Variants in DYNLRB1 observed in about 807,000 individuals in gnomAD.
DYNLRB1 encodes the protein dynein light chain roadblock-type 1.
Under a neutral mutation model 13.5 loss-of-function variants are expected in DYNLRB1, and 6 were observed. The ratio of observed to expected loss-of-function variants is 0.44; its 90% CI spans 0.24 to 0.88. The LOEUF is 0.88. Among genes scored for constraint, DYNLRB1 ranks in the 40% least tolerant of loss-of-function variants. The pLI is 0.21. For synonymous variants in DYNLRB1, 43 were observed against 45.0 expected, an observed-to-expected ratio of 0.96 and a Z score of 0.18; for missense variants, 93 against 127.2, an observed-to-expected ratio of 0.73 and a Z score of 1.29.
chr20:34,516,287 C>A, upstream of DYNLRB1: 1 of 1,088,578 alleles, frequency 9.2e-7, no homozygotes, highest in Non-Finnish European at 1.3e-6. Flanking sequence ...CAGTGGAAAG[C>A]AGATTTTCCA....
intron 2 of DYNLRB1, chr20:34,529,961 C>A: frequency 7.2e-7 from 1 of 1,391,698 alleles, no homozygotes; most frequent in Non-Finnish European, 9.4e-7. Context: ...CTTCAGCCCT[C>A]AACTGCCTCG....
At position 34,534,685 on chromosome 20, in the gene DYNLRB1, T is replaced by C; in HGVS notation, c.137T>C (p.Met46Thr). 1 of 1,604,414 alleles carries C rather than the reference T, an allele frequency of 6.2e-7. No individual in the cohort carries two copies. The highest frequency in any genetic ancestry group is 8.5e-7 in the Non-Finnish European group (1 of 1,174,682). ...ACCACCACCCAGTATGCCAGCCTCATGCACAGCTTCATCCTGAAGGCACGG... is the reference window on the plus strand; with the variant it reads ...ACCACCACCCAGTATGCCAGCCTCACGCACAGCTTCATCCTGAAGGCACGG... The part of the protein sequence containing the change: ...NPTTTQYASL[M>T]HSFILKARST... The change falls in exon 3 of 4, where the codon ATG becomes ACG. Residue 46 changes from methionine to threonine, a missense_variant. Coordinates refer to ENST00000357156, the MANE Select transcript of DYNLRB1 (RefSeq NM_014183.4).
intron 1 of DYNLRB1, 140 bp from the exon 2 acceptor site, chr20:34,526,128 G>C: frequency 1.2e-6 from 1 of 846,950 alleles, no homozygotes. Flanking sequence ...GATCAGCCTG[G>C]GGAACTTTGA....
chr20:34,536,300 G>C (rs1981135777), intron 3 of DYNLRB1: 1 of 985,404 alleles, frequency 1.0e-6, no homozygotes, highest in South Asian at 4.7e-5. Flanking sequence ...GTGTCGAGTA[G>C]GGGACTGTGC....
chr20:34,516,680 A>G (rs1440903325), intron 1 of DYNLRB1: 1 of 1,487,344 alleles, frequency 6.7e-7, no homozygotes, highest in Admixed American at 2.1e-5. Context: ...CTGCCCCTTG[A>G]CCGGAAGCGG....
rs573817603 is a variant in DYNLRB1 at position 34,539,776 on chromosome 20, C to T, written c.248-805C>T. ...CCCACCTTGGCCTCCCAAAGTGCTA[C>T]GTGAGCCACCACGCCTGACCTTCTA... On this transcript the variant is annotated intron_variant, in intron 3 of 3. Transcript: ENST00000357156. 4.6e-5 allele frequency among the ~76,000 whole-genome samples: 7 copies of T among 152,182 alleles called. No individual in the cohort carries two copies. The South Asian group carries it at 1.0e-3, about 23-fold the overall frequency.
chr20:34,519,363 G>GT (rs1292287709), intron 1 of DYNLRB1, among the ~76,000 whole-genome samples: 2 of 152,136 alleles, frequency 1.3e-5, no homozygotes, highest in African/African-American at 2.4e-5. Context: ...TGTATAAGCT[G>GT]TTTATTAGAT....
At position 34,540,713 on chromosome 20, in the gene DYNLRB1, A is replaced by G. The variant is rs1981513611; in HGVS notation, c.*89A>G. ...TCATGTCAGTGGACTAGCACATGGC[A>G]GTCGCTTGGAACCCACTCACACCAA... On this transcript the variant is annotated 3_prime_UTR_variant, in exon 4 of 4. Transcript: ENST00000357156. The G allele has an allele frequency of 7.2e-7, 1 of 1,397,322 alleles. No individual in the cohort carries two copies. The highest frequency in any genetic ancestry group is 1.4e-5 in the African/African-American group (1 of 70,074). The allele number at this position is 1,397,322 out of a possible 1,614,324, so 86.6% of individuals were successfully genotyped here.
At chr20:34,516,733 G>T in intron 1 of DYNLRB1, 1 of 1,543,830 alleles carries the variant, frequency 6.5e-7, no homozygotes, top group Non-Finnish European at 8.7e-7. Context: ...CGAGGGGTGG[G>T]CGGCGGCCCT....
rs1981508466 is a variant in DYNLRB1, at chr20:34,540,655, T to C, written c.*31T>C. The C allele has an allele frequency of 6.2e-7, 1 of 1,606,952 alleles. No homozygotes were observed. Among genetic ancestry groups the C allele is most frequent in the African/African-American group, 1.3e-5 (1 of 74,624 alleles). ...TCTCTTGGCTCCCTGTGTCATTCCT[T>C]AATTTAATGCCCCCCAAGAATGTTA... On this transcript the variant is annotated 3_prime_UTR_variant, in exon 4 of 4. Transcript: ENST00000357156.
At chr20:34,515,781 C>T (rs1979122582), upstream of DYNLRB1, among the ~76,000 whole-genome samples, 2 of 152,220 alleles carry the variant, frequency 1.3e-5, no homozygotes, top group Admixed American at 6.5e-5. Context: ...TCCCACCACG[C>T]TCCACTCAGG....
At chr20:34,526,130 G>C (rs1271797023) in intron 1 of DYNLRB1, 138 bp from the exon 2 acceptor site, 1 of 864,810 alleles carries the variant, frequency 1.2e-6, no homozygotes. Context: ...TCAGCCTGGG[G>C]AACTTTGAGG....
intron 1 of DYNLRB1, among the ~76,000 whole-genome samples, chr20:34,523,043 A>G (rs1256599890): frequency 6.6e-6 from 1 of 152,186 alleles, no homozygotes; most frequent in Non-Finnish European, 1.5e-5. Flanking sequence ...GGAGGAGATG[A>G]ACGTGACCTA....
chr20:34,540,588 C>CT lies in DYNLRB1; in HGVS notation c.256dup (p.Tyr86LeufsTer25). ...CATTTTTCTCTTTTGCAGATAAAGA[C>CT]TATTTCCTGATTGTGATTCAGAATC... On this transcript the variant is annotated frameshift_variant, in exon 4 of 4. Transcript: ENST00000357156. LOFTEE classifies it high-confidence loss of function. 6.2e-7 allele frequency: 1 copy of CT among 1,613,678 alleles called. No homozygotes were observed. The highest frequency in any genetic ancestry group is 1.7e-5 in the Admixed American group (1 of 59,968).
intron 2 of DYNLRB1, chr20:34,530,222 C>T: frequency 1.1e-5 from 12 of 1,103,470 alleles, no homozygotes; most frequent in Non-Finnish European, 1.3e-5. Context: ...AGCTGCTTAC[C>T]TTTTGGATAC....
intron 1 of DYNLRB1, 38 bp from the exon 2 acceptor site, chr20:34,526,230 T>C (rs1277556252): frequency 4.3e-6 from 7 of 1,610,778 alleles, no homozygotes; most frequent in Non-Finnish European, 4.2e-6. Flanking sequence ...TAATCCTGCC[T>C]ATCGGCCTCT....
chr20:34,521,168 A>G (rs1007223848), intron 1 of DYNLRB1, among the ~76,000 whole-genome samples: 4 of 151,928 alleles, frequency 2.6e-5, no homozygotes, highest in African/African-American at 9.7e-5. Context: ...CCATGCCACC[A>G]TGACGGCTAA....
chr20:34,530,585 T>A (rs1980635752), intron 2 of DYNLRB1: 1 of 152,694 alleles, frequency 6.5e-6, no homozygotes, highest in Admixed American at 6.5e-5. Context: ...TTGCCCAGTT[T>A]GCAGATGAGA....
intron 3 of DYNLRB1, among the ~76,000 whole-genome samples, chr20:34,539,709 G>A (rs1026632542): frequency 3.3e-5 from 5 of 152,152 alleles, no homozygotes; most frequent in Non-Finnish European, 5.9e-5. Flanking sequence ...GTTTCACCAT[G>A]TTGGCCAGGC....
Sources: gnomAD v4.1 joint callset for allele counts (sites outside exome capture counted in the v4.1 genomes callset) on GRCh38, gnomAD v4.1.1 for gene constraint, MANE v1.5 for transcripts, NCBI Gene and HGNC (gene_info 2026-07-23, HGNC 2026-07-21) for gene names.